Variants in PTPRD observed in about 807,000 individuals in gnomAD.
The protein encoded by PTPRD is protein tyrosine phosphatase receptor type D.
Under a neutral mutation model 214.5 loss-of-function variants are expected in PTPRD, and 34 were observed. The ratio of observed to expected loss-of-function variants is 0.16; its 90% CI spans 0.12 to 0.21. PTPRD has a LOEUF of 0.21. Among genes scored for constraint, PTPRD ranks in the 10% least tolerant of loss-of-function variants. The pLI, the probability that PTPRD is intolerant of heterozygous loss-of-function variation, is 1.00. For synonymous variants in PTPRD, 1,128 were observed against 845.7 expected (o/e 1.33, Z -5.79); for missense variants, 2,545 against 2,398.7 (o/e 1.06, Z -1.27).
intron 2 of PTPRD, among the ~76,000 whole-genome samples, chr9:10,523,772 T>C (rs2053351086): frequency 6.6e-6 from 1 of 151,308 alleles, no homozygotes; most frequent in Admixed American, 6.6e-5. Flanking sequence ...AAATGATGTG[T>C]CCATTGATAG....
At chr9:9,115,331 C>A (rs1203201595) in intron 10 of PTPRD, among the ~76,000 whole-genome samples, 1 of 151,978 alleles carries the variant, frequency 6.6e-6, no homozygotes, top group African/African-American at 2.4e-5. Flanking sequence ...CATGAACAGA[C>A]ATTTCTCAAA....
At chr9:10,519,175 C>A (rs1035844566) in intron 2 of PTPRD, among the ~76,000 whole-genome samples, 1 of 145,250 alleles carries the variant, frequency 6.9e-6, no homozygotes, top group East Asian at 2.1e-4. Flanking sequence ...ATATCCTCCT[C>A]CAGCTTTGCC....
intron 10 of PTPRD, among the ~76,000 whole-genome samples, chr9:9,138,877 TAC>T (rs1426817918): frequency 2.6e-5 from 4 of 152,266 alleles, no homozygotes; most frequent in African/African-American, 9.6e-5. Flanking sequence ...AGGCTAAAAT[TAC>T]AGTTTTTACA....
At chr9:10,065,684 G>T (rs903521130) in intron 3 of PTPRD, among the ~76,000 whole-genome samples, 27 of 151,940 alleles carry the variant, frequency 1.8e-4, no homozygotes, top group African/African-American at 6.5e-4. Flanking sequence ...GGAAGAGCTG[G>T]AAGGTTCAGA....
intron 2 of PTPRD, among the ~76,000 whole-genome samples, chr9:10,377,532 C>G (rs758197227): frequency 4.6e-5 from 7 of 151,602 alleles, no homozygotes; most frequent in Non-Finnish European, 7.4e-5. Context: ...TGAGTGAGAA[C>G]AGGCGATGTT....
At chr9:8,773,862 C>A (rs1485917756) in intron 11 of PTPRD, among the ~76,000 whole-genome samples, 1 of 152,140 alleles carries the variant, frequency 6.6e-6, no homozygotes, top group Non-Finnish European at 1.5e-5. Context: ...CTCTTTTCTG[C>A]CCTGGCTACT....
chr9:10,217,980 C>T (rs1434154120), intron 3 of PTPRD, among the ~76,000 whole-genome samples: 3 of 151,804 alleles, frequency 2.0e-5, no homozygotes, highest in Admixed American at 6.6e-5. Flanking sequence ...CACACAAAAC[C>T]TGTGGTAATC....
chr9:9,805,831 G>A (rs2099069692), intron 5 of PTPRD, among the ~76,000 whole-genome samples: 1 of 152,104 alleles, frequency 6.6e-6, no homozygotes, highest in Non-Finnish European at 1.5e-5. Flanking sequence ...TACTCCTATT[G>A]AGTGAGAAAT....
At chr9:9,710,915 C>T (rs2097714493) in intron 7 of PTPRD, among the ~76,000 whole-genome samples, 1 of 152,144 alleles carries the variant, frequency 6.6e-6, no homozygotes. Flanking sequence ...TGCATGTTCT[C>T]TCCAGGTGAA....
Position 10,292,180 on chromosome 9 carries a change from G to A in PTPRD, c.-545+48783C>T, listed in dbSNP as rs527699281. Among the ~76,000 whole-genome samples the A allele has an allele frequency of 3.0e-3, 460 of 152,004 alleles. 1 individual carries two copies. The highest frequency in any genetic ancestry group is 0.01 in the African/African-American group (435 of 41,480). ...CATAAAAGACAGCACATTTTCAATT[G>A]CCCAAGTAAAAGATACTGAGGAGAC... On this transcript the variant is annotated intron_variant, in intron 3 of 45. Coordinates refer to ENST00000381196, the MANE Select transcript of PTPRD (RefSeq NM_002839.4).
At chr9:10,176,479 T>C (rs2099249433) in intron 3 of PTPRD, among the ~76,000 whole-genome samples, 2 of 151,914 alleles carry the variant, frequency 1.3e-5, no homozygotes, top group Admixed American at 6.6e-5. Context: ...AGAAATCAAA[T>C]CAATTATCAG....
At chr9:9,419,308 A>AT in intron 8 of PTPRD, among the ~76,000 whole-genome samples, 1 of 151,798 alleles carries the variant, frequency 6.6e-6, no homozygotes, top group Non-Finnish European at 1.5e-5. Flanking sequence ...AGATTTAATC[A>AT]AGCTATTTCT....
intron 11 of PTPRD, among the ~76,000 whole-genome samples, chr9:8,844,333 T>C (rs2097642161): frequency 6.6e-6 from 1 of 152,164 alleles, no homozygotes; most frequent in Non-Finnish European, 1.5e-5. Context: ...GAAAAGATTA[T>C]TTTGAAAGAT....
At chr9:8,493,478 G>A (rs541953922) in intron 26 of PTPRD, among the ~76,000 whole-genome samples, 60 of 152,250 alleles carry the variant, frequency 3.9e-4, no homozygotes, top group African/African-American at 1.4e-3. Flanking sequence ...GACTACAGAT[G>A]GGGCTGATGC....
At chr9:9,451,566 G>A (rs2092187863) in intron 8 of PTPRD, among the ~76,000 whole-genome samples, 1 of 151,524 alleles carries the variant, frequency 6.6e-6, no homozygotes, top group South Asian at 2.1e-4. Context: ...TGTCCCTGCA[G>A]TGAAAAATTA....
chr9:8,595,921 G>C (rs2094452015), intron 14 of PTPRD, among the ~76,000 whole-genome samples: 1 of 152,148 alleles, frequency 6.6e-6, no homozygotes, highest in Non-Finnish European at 1.5e-5. Context: ...ACCCACAACA[G>C]ATGCAATTCT....
At chr9:10,537,081 C>CT (rs1185536781) in intron 2 of PTPRD, among the ~76,000 whole-genome samples, 1 of 152,006 alleles carries the variant, frequency 6.6e-6, no homozygotes, top group African/African-American at 2.4e-5. Context: ...GCATTTGCTC[C>CT]TTTTTAGAGA....
At chr9:9,817,581 A>G (rs945282076) in intron 5 of PTPRD, among the ~76,000 whole-genome samples, 9 of 152,194 alleles carry the variant, frequency 5.9e-5, no homozygotes, top group Non-Finnish European at 1.0e-4. Flanking sequence ...ATAGGTCCAT[A>G]AAAAACTGAA....
intron 35 of PTPRD, among the ~76,000 whole-genome samples, chr9:8,412,315 AT>A (rs1564625923): frequency 6.6e-6 from 1 of 152,214 alleles, no homozygotes; most frequent in African/African-American, 2.4e-5. Flanking sequence ...AGAGAATATT[AT>A]TGAGTATAGG....
Sources: gnomAD v4.1 joint callset for allele counts (sites outside exome capture counted in the v4.1 genomes callset) on GRCh38, gnomAD v4.1.1 for gene constraint, MANE v1.5 for transcripts, NCBI Gene and HGNC (gene_info 2026-07-23, HGNC 2026-07-21) for gene names.